SIGLEC15: variants seen among roughly 807,000 people sequenced by gnomAD.
SIGLEC15 encodes sialic acid binding Ig like lectin 15.
SIGLEC15 carries 31 observed loss-of-function variants against 26.2 expected under a neutral mutation model. The ratio of observed to expected loss-of-function variants is 1.18; its 90% CI spans 0.89 to 1.60. The LOEUF is 1.60. SIGLEC15 is among the 40% of genes most tolerant of loss of function. SIGLEC15 has a pLI of 0.00. For missense variants in SIGLEC15, 501 were observed against 488.4 expected, an observed-to-expected ratio of 1.03 and a Z score of -0.24; for synonymous variants, 207 against 221.9, an observed-to-expected ratio of 0.93 and a Z score of 0.60.
At chr18:45,832,498 G>A (rs556593013) in intron 1 of SIGLEC15, among the ~76,000 whole-genome samples, 58 of 152,082 alleles carry the variant, frequency 3.8e-4, no homozygotes, top group African/African-American at 1.4e-3. Context: ...GGCACAGATT[G>A]GGTGCTTGAT....
intron 1 of SIGLEC15, chr18:45,829,148 G>A (rs2048211559): frequency 3.0e-6 from 3 of 985,542 alleles, no homozygotes; most frequent in Non-Finnish European, 3.6e-6. Context: ...CCCCACAGCA[G>A]GGTCAGCCTG....
At chr18:45,827,664 T>C (rs1185932435) in intron 1 of SIGLEC15, among the ~76,000 whole-genome samples, 3 of 152,160 alleles carry the variant, frequency 2.0e-5, no homozygotes, top group African/African-American at 4.8e-5. Context: ...GGAGATTCAT[T>C]AGACACTACA....
At position 45,842,678 on chromosome 18, in the gene SIGLEC15, C is replaced by T. The variant is rs958762904; in HGVS notation, c.*491C>T. 1.3e-5 allele frequency: 2 copies of T among 159,530 alleles called. No homozygotes were observed. The highest frequency in any genetic ancestry group is 4.8e-5 in the African/African-American group (2 of 41,630). The allele number at this position is 159,530 out of a possible 1,614,324, so 9.9% of individuals were successfully genotyped here. A position where few individuals can be genotyped will look rare whatever the true frequency, so the allele number is the denominator to read the frequency against. ...ACTGTTGAACACGGACAATCATATT[C>T]TTCCCTCCTGGCTGGGAGGACTACA... is the stretch of plus-strand genomic sequence containing the variant. On this transcript the variant is annotated 3_prime_UTR_variant, in exon 6 of 6. Coordinates refer to ENST00000389474, the MANE Select transcript of SIGLEC15 (RefSeq NM_213602.3).
At position 45,834,474 on chromosome 18, in the gene SIGLEC15, G is replaced by A. The variant is rs187928247; in HGVS notation, c.53-2555G>A. Among the ~76,000 whole-genome samples the A allele has an allele frequency of 3.9e-5, 6 of 152,334 alleles. No homozygotes were observed. The East Asian group carries it at 9.7e-4, about 25-fold the overall frequency. On this transcript the variant is annotated intron_variant, in intron 1 of 5. Transcript: ENST00000389474. Reference sequence around the variant, plus strand: ...GGCCAGCCCTAGGCTTGGGGCTCAGGGAAGCCCCCTGCTGTAGGAAAGACT... The same window carrying A: ...GGCCAGCCCTAGGCTTGGGGCTCAGAGAAGCCCCCTGCTGTAGGAAAGACT...
chr18:45,833,353 G>A lies in SIGLEC15; in HGVS notation c.53-3676G>A, dbSNP rs964018391. On this transcript the variant is annotated intron_variant, in intron 1 of 5. Transcript: ENST00000389474. ...ATTATTTGAGGCAGAGTCTCGCTCT[G>A]TTGCCCAGGCTGGAGTACAGTGGTG... 2.0e-5 allele frequency among the ~76,000 whole-genome samples: 3 copies of A among 152,120 alleles called. No homozygotes were observed. In the South Asian group the frequency reaches 6.2e-4, roughly 31 times the overall value.
Position 45,842,249 on chromosome 18 carries a change from T to G in SIGLEC15, c.*62T>G. On this transcript the variant is annotated 3_prime_UTR_variant, in exon 6 of 6. Transcript: ENST00000389474. ...TAAAGAACAAAGGCCAGTGCGAGGCTTGGCTGGCACAGCCAGTCCTGGTTC... is the reference window on the plus strand; with the variant it reads ...TAAAGAACAAAGGCCAGTGCGAGGCGTGGCTGGCACAGCCAGTCCTGGTTC... 1 of 1,578,616 alleles carries G rather than the reference T, an allele frequency of 6.3e-7. No homozygotes were observed. The highest frequency in any genetic ancestry group is 8.7e-7 in the Non-Finnish European group (1 of 1,148,136).
At position 45,842,751 on chromosome 18, in the gene SIGLEC15, G is replaced by C. The variant is rs377363518; in HGVS notation, c.*564G>C. On this transcript the variant is annotated 3_prime_UTR_variant, in exon 6 of 6. Coordinates refer to ENST00000389474, the MANE Select transcript of SIGLEC15 (RefSeq NM_213602.3). The stretch of plus-strand genomic sequence containing the variant: ...ATGAAGGGGCTTTGGAAAGTACAAA[G>C]CCATCTTCTCATGAGGGGCATGACA... The C allele has an allele frequency of 6.4e-6, 1 of 155,286 alleles. No homozygotes were observed. The highest frequency in any genetic ancestry group is 2.0e-4 in the South Asian group (1 of 5,042). The allele number at this position is 155,286 out of a possible 1,614,324, so 9.6% of individuals were successfully genotyped here. A position where few individuals can be genotyped will look rare whatever the true frequency, so the allele number is the denominator to read the frequency against.
rs9945077 is a variant in SIGLEC15, at chr18:45,839,151, C to G, written c.874+56C>G. ...AGGGGCCGGGCCGGGGCTCTCTGCT[C>G]TTAGATAAGACCACCTGGCTGACCC... On this transcript the variant is annotated intron_variant, in intron 4 of 5. Coordinates refer to ENST00000389474, the MANE Select transcript of SIGLEC15 (RefSeq NM_213602.3). The G allele has an allele frequency of 1.4e-3, 1,859 of 1,346,392 alleles. 9 individuals carry two copies. Among genetic ancestry groups the G allele is most frequent in the African/African-American group, 0.014 (877 of 64,740 alleles). 83.4% of individuals were successfully genotyped at this position (1,346,392 alleles called of 1,614,324 possible).
Position 45,838,719 on chromosome 18 carries a change from C to A in SIGLEC15, c.498C>A (p.Ala166=), listed in dbSNP as rs1440598694. ...AGTCACCCGCCTTCTCCCCTGCAGC[C>A]GCGCCGCGGATCGTCAACATCTCGG... ...SRHGVRLHVT[A]APRIVNISVL... is the part of the protein sequence containing the mutation. Residue 166 remains alanine (A), a splice_region_variant and synonymous_variant, in exon 4 of 6, where the codon GCC becomes GCA. Transcript: ENST00000389474. The A allele has an allele frequency of 1.8e-5, 29 of 1,572,622 alleles. No homozygotes were observed. Among genetic ancestry groups the A allele is most frequent in the Non-Finnish European group, 2.4e-5 (28 of 1,168,672 alleles).
rs2048285418 is a variant in SIGLEC15, at chr18:45,837,524, C to T, written c.124C>T (p.Gln42Ter). 1.3e-6 allele frequency: 2 copies of T among 1,511,460 alleles called. No homozygotes were observed. The highest frequency in any genetic ancestry group is 1.8e-6 in the Non-Finnish European group (2 of 1,137,920). The allele number at this position is 1,511,460 out of a possible 1,614,324, so 93.6% of individuals were successfully genotyped here. ...CGCCCCGCCCTCAGGCTCGCCAGCG[C>T]AGCGCTGGTCCATGCAGGTGCCACC... ...LNTEVHSSPA[Q>*]RWSMQVPPEV... The change falls in exon 3 of 6, where the codon CAG (glutamine) becomes TAG (stop). Residue 42 changes from glutamine to a stop codon, truncating the protein, a stop_gained. Coordinates refer to ENST00000389474, the MANE Select transcript of SIGLEC15 (RefSeq NM_213602.3). LOFTEE classifies it high-confidence loss of function.
chr18:45,837,082 G>A lies in SIGLEC15; in HGVS notation c.106G>A (p.Val36Met). 1 of 1,611,710 alleles carries A rather than the reference G, an allele frequency of 6.2e-7. No individual in the cohort carries two copies. Among genetic ancestry groups the A allele is most frequent in the South Asian group, 1.1e-5 (1 of 91,014 alleles). Residue 36 changes from valine (V) to methionine (M), a missense_variant, in exon 2 of 6, where the codon GTG becomes ATG. By Grantham distance (21) the Val-to-Met change is conservative. Coordinates refer to ENST00000389474, the MANE Select transcript of SIGLEC15 (RefSeq NM_213602.3). ...TACGGAGAACTTGCTCAACACAGAGGTGCACAGTAAGTGCTTTTATTATTA... is the reference window on the plus strand; with the variant it reads ...TACGGAGAACTTGCTCAACACAGAGATGCACAGTAAGTGCTTTTATTATTA... ...DTTENLLNTE[V>M]HSSPAQRWSM...
rs771480033 is a variant in SIGLEC15, at chr18:45,837,098, TTTA to T, written c.112+18_112+20del. ...AACACAGAGGTGCACAGTAAGTGCT[TTTA>T]TTATTATCACCATCTCGGGGATCTT... On this transcript the variant is annotated intron_variant, in intron 2 of 5. Transcript: ENST00000389474. The T allele has an allele frequency of 1.3e-5, 21 of 1,612,624 alleles. No individual in the cohort carries two copies. The highest frequency in any genetic ancestry group is 8.5e-6 in the Non-Finnish European group (10 of 1,179,476).
chr18:45,835,665 C>A (rs553344843), intron 1 of SIGLEC15, among the ~76,000 whole-genome samples: 1 of 152,296 alleles, frequency 6.6e-6, no homozygotes, highest in Non-Finnish European at 1.5e-5. Flanking sequence ...TTTGTGGCAC[C>A]AAGAACCTGG....
At chr18:45,837,451 C>A (rs958865231) in intron 2 of SIGLEC15, 62 bp from the exon 3 acceptor site, 4 of 1,417,724 alleles carry the variant, frequency 2.8e-6, no homozygotes, top group South Asian at 1.5e-5. Context: ...GGTTTCCAGG[C>A]CCCGGGTGCG....
rs775641948 is a variant in SIGLEC15, at chr18:45,840,168, G to A, written c.875-43G>A. ...GGGGTGGGCGCACAGGCTGCAGACT[G>A]CGGTGGAGATTCATGCCTGCTCTCT... On this transcript the variant is annotated intron_variant, in intron 4 of 5. Transcript: ENST00000389474. 3 of 1,610,228 alleles carry A rather than the reference G, an allele frequency of 1.9e-6. No homozygotes were observed. The African/African-American group carries it at 4.0e-5, about 22-fold the overall frequency.
Position 45,842,490 on chromosome 18 carries a change from C to T in SIGLEC15, c.*303C>T, listed in dbSNP as rs1379130204. The stretch of plus-strand genomic sequence containing the variant: ...ACGCATTAGCTTGAGCGTGAAACTT[C>T]CAGAAATGTTCCCTTGCCCTTTCTT... On this transcript the variant is annotated 3_prime_UTR_variant, in exon 6 of 6. Coordinates refer to ENST00000389474, the MANE Select transcript of SIGLEC15 (RefSeq NM_213602.3). 8.6e-6 allele frequency: 3 copies of T among 347,014 alleles called. No homozygotes were observed. Among genetic ancestry groups the T allele is most frequent in the African/African-American group, 2.1e-5 (1 of 48,636 alleles). The allele number at this position is 347,014 out of a possible 1,614,324, so 21.5% of individuals were successfully genotyped here.
chr18:45,842,164 C>A lies in SIGLEC15; in HGVS notation c.964C>A (p.Pro322Thr), dbSNP rs751276467. 2.0e-5 allele frequency: 33 copies of A among 1,614,080 alleles called. No homozygotes were observed. Among genetic ancestry groups the A allele is most frequent in the African/African-American group, 2.7e-5 (2 of 74,914 alleles). ...NLSQMNPRSP[P>T]ATMCSP ...GAGCCAGATGAACCCCCGGAGCCCA[C>A]CAGCCACCATGTGCTCACCGTGAGG... Residue 322 changes from proline to threonine, a missense_variant, in exon 6 of 6, where the codon CCA (proline) becomes ACA (threonine). Pro to Thr is a conservative substitution (Grantham distance 38). Transcript: ENST00000389474.
chr18:45,837,261 G>A (rs1268448199), intron 2 of SIGLEC15, among the ~76,000 whole-genome samples, 173 bp downstream of exon 2: 1 of 152,214 alleles, frequency 6.6e-6, no homozygotes, highest in East Asian at 1.9e-4. Context: ...TAGTCCCAGG[G>A]AAGAGCCGCG....
chr18:45,833,731 G>GCTGTTT (rs1248018985), intron 1 of SIGLEC15, among the ~76,000 whole-genome samples: 1 of 152,194 alleles, frequency 6.6e-6, no homozygotes, highest in Non-Finnish European at 1.5e-5. Flanking sequence ...TGTTGCTGTT[G>GCTGTTT]CTGTTAGTTC....
Sources: allele counts gnomAD v4.1 joint callset (sites outside exome capture counted in the v4.1 genomes callset), GRCh38; gene constraint gnomAD v4.1.1; transcripts MANE v1.5; gene names NCBI Gene and HGNC (gene_info 2026-07-23, HGNC 2026-07-21).